The following GRXCR2 variants were observed in gnomAD, a reference collection of about 807,000 sequenced individuals.
GRXCR2 encodes glutaredoxin domain-containing cysteine-rich protein 2.
In GRXCR2, 23 loss-of-function variants were observed where a neutral mutation model predicts 24.8. The ratio of observed to expected loss-of-function variants is 0.93; its 90% CI spans 0.67 to 1.32. GRXCR2 has a LOEUF of 1.32. GRXCR2 is among the 40% of genes most tolerant of loss of function. The probability of loss-of-function intolerance (pLI) is 0.00; values close to 1 mark genes in which losing one functional copy is unlikely to be tolerated. For missense variants in GRXCR2, 315 were observed against 303.4 expected, an observed-to-expected ratio of 1.04 and a Z score of -0.28; for synonymous variants, 130 against 116.1, an observed-to-expected ratio of 1.12 and a Z score of -0.77.
rs1268898747 is a variant in GRXCR2 at position 145,859,155 on chromosome 5, G to C, written c.*578C>G. ...TTATCCAAACACACCACATGGAAGAGGTTCAGGACTTTGAAAGGGAAGGCT... is the reference window on the plus strand; with the variant it reads ...TTATCCAAACACACCACATGGAAGACGTTCAGGACTTTGAAAGGGAAGGCT... On this transcript the variant is annotated 3_prime_UTR_variant, in exon 3 of 3. Coordinates refer to ENST00000377976, the MANE Select transcript of GRXCR2 (RefSeq NM_001080516.2). 3 of 153,678 alleles carry C rather than the reference G, an allele frequency of 2.0e-5. No individual in the cohort carries two copies. Among genetic ancestry groups the C allele is most frequent in the African/African-American group, 7.2e-5 (3 of 41,440 alleles). The allele number at this position is 153,678 out of a possible 1,614,324, so 9.5% of individuals were successfully genotyped here.
chr5:145,913,162 C>T (rs1757190450), intron 2 of GRXCR2, among the ~76,000 whole-genome samples: 1 of 152,198 alleles, frequency 6.6e-6, no homozygotes, highest in African/African-American at 2.4e-5. Flanking sequence ...ATAACTGCAA[C>T]ATTAATGTGG....
rs370141695 is a variant in GRXCR2, at chr5:145,920,394, C to T, written c.-70+15307G>A. On this transcript the variant is annotated intron_variant, in intron 2 of 3. Transcript: ENST00000639411. ...CAGACCTTCAGGTGATTCTGATGCT[C>T]TCTAAAGTTTGAGCACCCTTGCCTT... Among the ~76,000 whole-genome samples the T allele has an allele frequency of 5.8e-4, 89 of 152,334 alleles. 3 individuals are homozygous for T. In the South Asian group the frequency reaches 0.017, roughly 29 times the overall value.
intron 2 of GRXCR2, among the ~76,000 whole-genome samples, chr5:145,905,897 C>T (rs1168683690): frequency 3.3e-5 from 5 of 152,098 alleles, no homozygotes; most frequent in African/African-American, 9.7e-5. Flanking sequence ...CATGGTCCAG[C>T]GTTTCCATAG....
intron 2 of GRXCR2, among the ~76,000 whole-genome samples, chr5:145,920,832 C>T (rs1757311401): frequency 6.6e-6 from 1 of 152,230 alleles, no homozygotes; most frequent in South Asian, 2.1e-4. Context: ...TTTGGGAAGC[C>T]ATTAGGCCAT....
chr5:145,924,317 AG>A (rs1202910328), intron 2 of GRXCR2, among the ~76,000 whole-genome samples: 1 of 152,240 alleles, frequency 6.6e-6, no homozygotes. Context: ...ATATTACAAA[AG>A]TCTCCATTTG....
intron 2 of GRXCR2, among the ~76,000 whole-genome samples, chr5:145,886,539 G>C (rs1363848847): frequency 6.6e-6 from 1 of 152,076 alleles, no homozygotes; most frequent in Non-Finnish European, 1.5e-5. Flanking sequence ...CTGTCCTGGG[G>C]GCCCCTGGTT....
At chr5:145,858,171 G>A (rs192664876), downstream of GRXCR2, among the ~76,000 whole-genome samples, 428 of 152,166 alleles carry the variant, frequency 2.8e-3, 1 homozygote, top group African/African-American at 9.4e-3. Flanking sequence ...AAAATTAGCT[G>A]GGAGTGGTGG....
In GRXCR2 at chr5:145,917,062, C is replaced by CTTT. The variant is rs34794205; in HGVS notation, c.-70+18636_-70+18638dup. 5.0e-3 allele frequency among the ~76,000 whole-genome samples: 719 copies of CTTT among 142,408 alleles called. 9 individuals carry two copies. Among genetic ancestry groups the CTTT allele is most frequent in the African/African-American group, 0.017 (646 of 38,516 alleles). The allele number at this position is 142,408 out of a possible 152,430, so 93.4% of individuals were successfully genotyped here. A position where few individuals can be genotyped will look rare whatever the true frequency, so the allele number is the denominator to read the frequency against. On this transcript the variant is annotated intron_variant, in intron 2 of 3. Coordinates refer to the GRXCR2 transcript ENST00000639411. ...ATTGCCAGATTTATTTCCTAAGCAT[C>CTTT]TTTTTTTTTTTTTTTGAAAAGCAGT... is the stretch of plus-strand genomic sequence containing the variant.
At chr5:145,919,689 C>T (rs966907388) in intron 2 of GRXCR2, among the ~76,000 whole-genome samples, 1 of 152,108 alleles carries the variant, frequency 6.6e-6, no homozygotes, top group African/African-American at 2.4e-5. Flanking sequence ...AGAGGTGTCA[C>T]CGTGCCCCTT....
intron 1 of GRXCR2, among the ~76,000 whole-genome samples, chr5:145,871,313 T>C (rs552907448): frequency 2.0e-5 from 3 of 152,306 alleles, no homozygotes; most frequent in African/African-American, 7.2e-5. Context: ...TATTATGTAA[T>C]AATATGGTTC....
chr5:145,875,484 G>A (rs1370587091), upstream of GRXCR2, among the ~76,000 whole-genome samples: 1 of 152,048 alleles, frequency 6.6e-6, no homozygotes, highest in Admixed American at 6.6e-5. Context: ...AGGAGGCAGA[G>A]GTTGCAGTGA....
intron 2 of GRXCR2, among the ~76,000 whole-genome samples, chr5:145,926,571 T>C (rs1022584671): frequency 1.3e-5 from 2 of 152,226 alleles, no homozygotes; most frequent in Non-Finnish European, 2.9e-5. Flanking sequence ...GGCTCTGTTC[T>C]GTTCCATTGG....
At chr5:145,918,366 G>T (rs1243299931) in intron 2 of GRXCR2, among the ~76,000 whole-genome samples, 1 of 152,156 alleles carries the variant, frequency 6.6e-6, no homozygotes, top group Non-Finnish European at 1.5e-5. Context: ...AACGGGGTCT[G>T]TTGACTCCAA....
At chr5:145,865,997 A>C (rs970288114) in intron 2 of GRXCR2, among the ~76,000 whole-genome samples, 1 of 137,832 alleles carries the variant, frequency 7.3e-6, no homozygotes, top group Admixed American at 7.3e-5. Flanking sequence ...AAAATTAGGC[A>C]TGGTGGTGGG....
upstream of GRXCR2, among the ~76,000 whole-genome samples, chr5:145,875,203 A>C (rs1422229397): frequency 6.6e-6 from 1 of 152,248 alleles, no homozygotes; most frequent in East Asian, 1.9e-4. Flanking sequence ...CAAGTGAGAG[A>C]AACCAAATAC....
intron 2 of GRXCR2, among the ~76,000 whole-genome samples, chr5:145,915,205 T>C (rs1268757380): frequency 6.6e-6 from 1 of 152,182 alleles, no homozygotes; most frequent in Non-Finnish European, 1.5e-5. Flanking sequence ...AGGTGAAGGA[T>C]GGAGCAGGTG....
Position 145,872,850 on chromosome 5 carries a change from T to C in GRXCR2, c.119A>G (p.Gln40Arg), listed in dbSNP as rs769527093. 1.1e-5 allele frequency: 18 copies of C among 1,614,042 alleles called. No individual in the cohort carries two copies. Among genetic ancestry groups the C allele is most frequent in the Non-Finnish European group, 1.5e-5 (18 of 1,180,022 alleles). ...RVLKQVFEDG[Q>R]ELESPKEEYP... is the part of the protein sequence containing the mutation. ...TTCCTCCTTTGGTGACTCTAATTCC[T>C]GCCCATCCTCAAAGACCTGCTTCAA... Residue 40 changes from glutamine to arginine, a missense_variant, in exon 1 of 3, where the codon CAG (glutamine) becomes CGG (arginine). Gln to Arg is a conservative substitution (Grantham distance 43, BLOSUM62 1). Coordinates refer to ENST00000377976, the MANE Select transcript of GRXCR2 (RefSeq NM_001080516.2).
Position 145,859,987 on chromosome 5 carries a change from C to T in GRXCR2, c.565-72G>A, listed in dbSNP as rs1019230377. On this transcript the variant is annotated intron_variant, in intron 2 of 2. Transcript: ENST00000377976. ...GTTGTTCACATGCAGGTCAAAACAG[C>T]ACTAGACTACAGCAAAGGCTGGGGC... 6 of 1,247,540 alleles carry T rather than the reference C, an allele frequency of 4.8e-6. No homozygotes were observed. In the African/African-American group the frequency reaches 7.6e-5, roughly 16 times the overall value. The allele number at this position is 1,247,540 out of a possible 1,614,324, so 77.3% of individuals were successfully genotyped here.
At chr5:145,867,182 A>T (rs1217619421) in intron 1 of GRXCR2, among the ~76,000 whole-genome samples, 1 of 152,180 alleles carries the variant, frequency 6.6e-6, no homozygotes, top group African/African-American at 2.4e-5. Flanking sequence ...CATGCTAAGC[A>T]TTTTACCAAC....
Sources: gnomAD v4.1 joint callset for allele counts (sites outside exome capture counted in the v4.1 genomes callset) on GRCh38, gnomAD v4.1.1 for gene constraint, MANE v1.5 for transcripts, NCBI Gene and HGNC (gene_info 2026-07-23, HGNC 2026-07-21) for gene names.